CLMN: variants seen among roughly 807,000 people sequenced by gnomAD.
CLMN encodes calmin (calponin-like, transmembrane).
In CLMN, 57 loss-of-function variants were observed where a neutral mutation model predicts 92.7. That is an observed-to-expected ratio of 0.61 (90% CI 0.50 to 0.77). CLMN has a LOEUF of 0.77. Among genes scored for constraint, CLMN ranks in the 30% least tolerant of loss-of-function variants. CLMN has a pLI of 0.00. For synonymous variants in CLMN, 466 were observed against 470.6 expected, an observed-to-expected ratio of 0.99 and a Z score of 0.13; for missense variants, 1,158 against 1,237.5, an observed-to-expected ratio of 0.94 and a Z score of 0.96.
At chr14:95,192,037 C>G (rs781582049) in intron 12 of CLMN, 2 of 243,572 alleles carry the variant, frequency 8.2e-6, no homozygotes, top group African/African-American at 2.2e-5. Context: ...GTGACTTGCC[C>G]AAGGCCATGC....
intron 3 of CLMN, 113 bp downstream of exon 3, chr14:95,223,647 G>C: frequency 1.3e-6 from 1 of 756,686 alleles, no homozygotes; most frequent in Non-Finnish European, 2.1e-6. Context: ...AAAAGTCACC[G>C]CTTCAGAGTT....
At chr14:95,250,701 A>C (rs1595059289) in intron 1 of CLMN, among the ~76,000 whole-genome samples, 1 of 152,182 alleles carries the variant, frequency 6.6e-6, no homozygotes, top group Non-Finnish European at 1.5e-5. Context: ...AGGTTCTAAA[A>C]CCCTGCAGAT....
intron 1 of CLMN, among the ~76,000 whole-genome samples, chr14:95,242,453 T>A (rs552609571): frequency 3.8e-4 from 58 of 151,866 alleles, no homozygotes; most frequent in Non-Finnish European, 7.7e-4. Context: ...AGAGATGGGG[T>A]TTCACCATGT....
intron 1 of CLMN, among the ~76,000 whole-genome samples, chr14:95,306,046 G>A (rs7155058): frequency 5.6e-4 from 85 of 152,290 alleles, no homozygotes; most frequent in Middle Eastern, 3.4e-3. Flanking sequence ...GCTCCTGTAT[G>A]CAACGAGTGA....
intron 4 of CLMN, among the ~76,000 whole-genome samples, chr14:95,216,797 G>A (rs1055043848): frequency 1.4e-4 from 21 of 152,134 alleles, no homozygotes; most frequent in African/African-American, 4.8e-4. Context: ...AATCCCTAAG[G>A]CCAACCTGAC....
intron 1 of CLMN, among the ~76,000 whole-genome samples, chr14:95,279,822 T>A (rs565961002): frequency 6.6e-6 from 1 of 152,340 alleles, no homozygotes; most frequent in South Asian, 2.1e-4. Flanking sequence ...ACTTACTTAC[T>A]GGCTTTTTCA....
At chr14:95,318,450 C>T (rs563637374) in intron 1 of CLMN, among the ~76,000 whole-genome samples, 8 of 152,262 alleles carry the variant, frequency 5.3e-5, no homozygotes, top group Admixed American at 2.0e-4. Flanking sequence ...TCACCTCTGC[C>T]GGCACTGTCC....
chr14:95,275,731 C>A (rs933681213), intron 1 of CLMN, among the ~76,000 whole-genome samples: 8 of 152,216 alleles, frequency 5.3e-5, no homozygotes, highest in Non-Finnish European at 1.0e-4. Flanking sequence ...GGCGTGACGT[C>A]GGCTCACTGG....
intron 4 of CLMN, among the ~76,000 whole-genome samples, chr14:95,219,351 C>A (rs930668558): frequency 3.9e-5 from 6 of 152,146 alleles, no homozygotes; most frequent in Non-Finnish European, 8.8e-5. Context: ...TTGAAGGCCC[C>A]ACATTATCAC....
chr14:95,193,278 A>C, intron 12 of CLMN: 1 of 1,362,764 alleles, frequency 7.3e-7, no homozygotes, highest in Non-Finnish European at 1.0e-6. Context: ...CAATTCAGCA[A>C]CATTAGGCCA....
At chr14:95,283,233 T>G (rs1900208411) in intron 1 of CLMN, among the ~76,000 whole-genome samples, 1 of 152,238 alleles carries the variant, frequency 6.6e-6, no homozygotes, top group Admixed American at 6.5e-5. Flanking sequence ...TTGCTTTTGC[T>G]TCTTTCTCAT....
chr14:95,215,811 CTCTCTGTGTG>C (rs1249841255), intron 4 of CLMN, 78 bp from the exon 5 acceptor site: 15 of 903,068 alleles, frequency 1.7e-5, no homozygotes, highest in African/African-American at 1.3e-4. Flanking sequence ...TTCTCTCTCT[CTCTCTGTGTG>C]TGTGTGTGTG....
At chr14:95,232,151 G>A (rs982553280) in intron 1 of CLMN, among the ~76,000 whole-genome samples, 1 of 152,210 alleles carries the variant, frequency 6.6e-6, no homozygotes, top group Non-Finnish European at 1.5e-5. Context: ...TCGAGCACCC[G>A]GAGGGTGTTT....
At chr14:95,199,422 T>C (rs1426511107) in intron 9 of CLMN, 1 of 152,230 alleles carries the variant, frequency 6.6e-6, no homozygotes, top group Non-Finnish European at 1.5e-5. Flanking sequence ...AATCCTCCAA[T>C]CAGCTCCAGT....
At chr14:95,299,414 A>G (rs1180246553) in intron 1 of CLMN, among the ~76,000 whole-genome samples, 1 of 152,208 alleles carries the variant, frequency 6.6e-6, no homozygotes, top group African/African-American at 2.4e-5. Flanking sequence ...CCCACGGGAC[A>G]CGCACCAGGG....
intron 1 of CLMN, among the ~76,000 whole-genome samples, chr14:95,231,260 A>G (rs1385100050): frequency 6.7e-6 from 1 of 149,710 alleles, no homozygotes; most frequent in Non-Finnish European, 1.5e-5. Flanking sequence ...GCAGTGACGC[A>G]ATCTCGGCTC....
At chr14:95,222,758 G>A (rs969282129) in intron 3 of CLMN, among the ~76,000 whole-genome samples, 2 of 152,230 alleles carry the variant, frequency 1.3e-5, no homozygotes, top group African/African-American at 4.8e-5. Flanking sequence ...CCCTCTGCGG[G>A]TGCCGCTAAT....
At chr14:95,226,128 T>G (rs1897703887) in intron 2 of CLMN, among the ~76,000 whole-genome samples, 1 of 152,310 alleles carries the variant, frequency 6.6e-6, no homozygotes, top group South Asian at 2.1e-4. Context: ...CACCCCTCAG[T>G]ATCTATATGG....
At chr14:95,295,417 C>G (rs1376143217) in intron 1 of CLMN, among the ~76,000 whole-genome samples, 1 of 152,182 alleles carries the variant, frequency 6.6e-6, no homozygotes, top group Non-Finnish European at 1.5e-5. Context: ...GCAGGCTCTC[C>G]CTGGGGGGAT....
Sources: allele counts gnomAD v4.1 joint callset (sites outside exome capture counted in the v4.1 genomes callset), GRCh38; gene constraint gnomAD v4.1.1; transcripts MANE v1.5; gene names NCBI Gene and HGNC (gene_info 2026-07-23, HGNC 2026-07-21).